The following APBB2 variants were observed in gnomAD, a reference collection of about 807,000 sequenced individuals.
APBB2 encodes the protein Fe65-like 1.
A neutral mutation model predicts 82.5 loss-of-function variants in APBB2; 38 were observed. The observed-to-expected ratio is 0.46, with a 90% CI of 0.36 to 0.60. The LOEUF is 0.60. Among genes scored for constraint, APBB2 ranks in the 20% least tolerant of loss-of-function variants. The probability of loss-of-function intolerance (pLI) is 0.00; values close to 1 mark genes in which losing one functional copy is unlikely to be tolerated. For synonymous variants in APBB2, 341 were observed against 368.2 expected, an observed-to-expected ratio of 0.93 and a Z score of 0.85; for missense variants, 772 against 972.3, an observed-to-expected ratio of 0.79 and a Z score of 2.74.
intron 6 of APBB2, among the ~76,000 whole-genome samples, chr4:40,948,890 C>A (rs1445742470): frequency 3.7e-4 from 38 of 101,558 alleles, no homozygotes; most frequent in African/African-American, 9.3e-4. Context: ...ATCCTGTCTC[C>A]AAAAAAAAAA....
intron 3 of APBB2, among the ~76,000 whole-genome samples, chr4:41,094,721 C>T (rs1349356420): frequency 6.6e-6 from 1 of 152,120 alleles, no homozygotes; most frequent in Non-Finnish European, 1.5e-5. Context: ...CATGCCACCT[C>T]GCCCAGCTAA....
chr4:41,054,206 A>G (rs1727047029), intron 4 of APBB2, among the ~76,000 whole-genome samples: 1 of 152,200 alleles, frequency 6.6e-6, no homozygotes, highest in Non-Finnish European at 1.5e-5. Context: ...GGCAGAAAGA[A>G]TGGGAAAGCA....
At chr4:40,851,729 T>C (rs925094747) in intron 12 of APBB2, among the ~76,000 whole-genome samples, 6 of 29,878 alleles carry the variant, frequency 2.0e-4, no homozygotes, top group South Asian at 1.1e-3. Context: ...TATATATATA[T>C]ATATATATAT....
chr4:40,925,522 T>C (rs563310777), intron 10 of APBB2, among the ~76,000 whole-genome samples: 1 of 152,198 alleles, frequency 6.6e-6, no homozygotes, highest in Non-Finnish European at 1.5e-5. Flanking sequence ...TAAGTATGTA[T>C]GCTCCTTTCG....
intron 7 of APBB2, among the ~76,000 whole-genome samples, chr4:40,940,530 G>A (rs922452892): frequency 4.6e-5 from 7 of 152,146 alleles, no homozygotes; most frequent in African/African-American, 1.7e-4. Context: ...AAAAATGACG[G>A]CAGAACGGCC....
Position 41,013,741 on chromosome 4 carries a change from A to T in APBB2, c.677T>A (p.Val226Glu). ...SSPEDGQVAT[V>E]SSSPETKKDH... is the part of the protein sequence containing the mutation. ...CTTCTTGGTTTCTGGGCTGGATGAC[A>T]CTGTGGCTACTTGGCCGTCTTCAGG... Residue 226 changes from valine (V) to glutamate (E), a missense_variant, in exon 6 of 18, where the codon GTG becomes GAG. By Grantham distance (121) the Val-to-Glu change is moderately radical (BLOSUM62 -2). Coordinates refer to ENST00000508593, the MANE Select transcript of APBB2 (RefSeq NM_004307.2). 1.2e-6 allele frequency: 2 copies of T among 1,614,112 alleles called. No individual in the cohort carries two copies. The highest frequency in any genetic ancestry group is 1.7e-6 in the Non-Finnish European group (2 of 1,180,018).
intron 13 of APBB2, among the ~76,000 whole-genome samples, chr4:40,830,217 T>C (rs1233566636): frequency 1.3e-5 from 2 of 151,118 alleles, no homozygotes; most frequent in East Asian, 2.0e-4. Context: ...CACACATATA[T>C]ATATATATAT....
chr4:40,996,462 G>A lies in APBB2; in HGVS notation c.835+17121C>T, dbSNP rs78174443. 8.2e-3 allele frequency among the ~76,000 whole-genome samples: 1,243 copies of A among 152,224 alleles called. 21 individuals carry two copies. Among genetic ancestry groups the A allele is most frequent in the African/African-American group, 0.027 (1,119 of 41,520 alleles). On this transcript the variant is annotated intron_variant, in intron 6 of 17. Transcript: ENST00000508593. ...GTCCCAGACAGGGTGCAGAAATTTGGTGTCCAGGTGACAAAGTCTGAATCT... is the reference window on the plus strand; with the variant it reads ...GTCCCAGACAGGGTGCAGAAATTTGATGTCCAGGTGACAAAGTCTGAATCT...
At chr4:40,911,824 T>C (rs1440887640) in intron 10 of APBB2, among the ~76,000 whole-genome samples, 1 of 152,336 alleles carries the variant, frequency 6.6e-6, no homozygotes, top group African/African-American at 2.4e-5. Flanking sequence ...TGCAGAGCTT[T>C]GTGCTAATTT....
chr4:41,173,573 C>T (rs1309477350), intron 1 of APBB2, among the ~76,000 whole-genome samples: 6 of 152,312 alleles, frequency 3.9e-5, no homozygotes, highest in East Asian at 3.9e-4. Context: ...CTTCAGTCAA[C>T]GGCAGGCTGC....
At chr4:41,173,365 A>G (rs1050379119) in intron 1 of APBB2, among the ~76,000 whole-genome samples, 1 of 152,218 alleles carries the variant, frequency 6.6e-6, no homozygotes, top group Non-Finnish European at 1.5e-5. Context: ...CCCAGGCAAT[A>G]TTCTCAGGCA....
At chr4:41,027,364 C>CACACACATATATAT (rs1231769191) in intron 5 of APBB2, among the ~76,000 whole-genome samples, 3 of 127,416 alleles carry the variant, frequency 2.4e-5, no homozygotes, top group African/African-American at 8.8e-5. Flanking sequence ...CATATTGTTA[C>CACACACATATATAT]ATATATATAT....
intron 12 of APBB2, among the ~76,000 whole-genome samples, chr4:40,872,607 A>C (rs1467988393): frequency 6.6e-6 from 1 of 152,124 alleles, no homozygotes; most frequent in Non-Finnish European, 1.5e-5. Context: ...GTATCCAATA[A>C]ATCCCCAGAA....
intron 10 of APBB2, among the ~76,000 whole-genome samples, chr4:40,925,681 C>T (rs1196883458): frequency 2.0e-5 from 3 of 151,738 alleles, no homozygotes; most frequent in Non-Finnish European, 4.4e-5. Context: ...GCTGTAACAT[C>T]CCATATAAAT....
intron 1 of APBB2, among the ~76,000 whole-genome samples, chr4:41,144,663 T>G (rs1006438400): frequency 2.0e-5 from 3 of 152,258 alleles, no homozygotes; most frequent in African/African-American, 7.2e-5. Flanking sequence ...AAAACCCAAG[T>G]GTCCAGTAAC....
intron 10 of APBB2, among the ~76,000 whole-genome samples, chr4:40,930,460 C>T (rs1193751341): frequency 1.3e-4 from 18 of 138,950 alleles, no homozygotes; most frequent in African/African-American, 2.8e-4. Flanking sequence ...CGCGCGCGCG[C>T]GCGCGCGTGC....
intron 1 of APBB2, among the ~76,000 whole-genome samples, chr4:41,171,206 C>T (rs544936770): frequency 6.6e-6 from 1 of 152,296 alleles, no homozygotes; most frequent in Admixed American, 6.5e-5. Context: ...GAATCTGCTC[C>T]CCAGAGTTCA....
chr4:40,855,766 C>A (rs546656579), intron 12 of APBB2, among the ~76,000 whole-genome samples: 2 of 151,802 alleles, frequency 1.3e-5, no homozygotes, highest in Admixed American at 6.6e-5. Context: ...GGAAGCAAAA[C>A]GGAAAGTAGG....
intron 6 of APBB2, among the ~76,000 whole-genome samples, chr4:40,965,851 G>C (rs1053397585): frequency 1.3e-5 from 2 of 152,148 alleles, no homozygotes; most frequent in African/African-American, 4.8e-5. Context: ...CCCATGACTG[G>C]AAGGATACAA....
Sources: allele counts gnomAD v4.1 joint callset (sites outside exome capture counted in the v4.1 genomes callset), GRCh38; gene constraint gnomAD v4.1.1; transcripts MANE v1.5; gene names NCBI Gene and HGNC (gene_info 2026-07-23, HGNC 2026-07-21).